PDZD2: variants seen among roughly 807,000 people sequenced by gnomAD.
PDZD2 encodes PDZ domain-containing protein 2.
In PDZD2, 90 loss-of-function variants were observed where a neutral mutation model predicts 220.7. That is an observed-to-expected ratio of 0.41 (90% CI 0.34 to 0.49). The LOEUF (loss-of-function observed/expected upper bound fraction) is 0.49, where lower values mean the gene tolerates loss of function less well. Ranked by LOEUF, PDZD2 falls within the 20% of genes least tolerant of loss-of-function variation. PDZD2 has a pLI of 0.28. For synonymous variants in PDZD2, 1,375 were observed against 1,450.5 expected (o/e 0.95, Z 1.18); for missense variants, 3,174 against 3,608.5 (o/e 0.88, Z 3.08).
chr5:32,087,701 G>C lies in PDZD2; in HGVS notation c.4253G>C (p.Gly1418Ala), dbSNP rs1358953124. ...GHVSGHCCPG[G>A]SRESPVTDID... Reference sequence around the variant, plus strand: ...GTCTCGGGGCACTGCTGCCCAGGGGGGAGTAGAGAGAGCCCTGTGACGGAC... The same window carrying C: ...GTCTCGGGGCACTGCTGCCCAGGGGCGAGTAGAGAGAGCCCTGTGACGGAC... Residue 1418 changes from glycine (G) to alanine (A), a missense_variant, in exon 20 of 25, where the codon GGG becomes GCG. Physicochemically the swap from Gly to Ala is moderately conservative, Grantham distance 60 (BLOSUM62 0). This residue lies in a region of PDZD2 where 1,861 missense variants were observed against 2,001.0 expected (regional missense o/e 0.93). Transcript: ENST00000438447. This position sits in a 1 kb window ranked among gnomAD's most constrained non-coding sequence, Gnocchi z 4.0. 6.2e-7 allele frequency: 1 copy of C among 1,614,062 alleles called. No individual in the cohort carries two copies. The highest frequency in any genetic ancestry group is 1.7e-5 in the Admixed American group (1 of 60,028).
intron 6 of PDZD2, among the ~76,000 whole-genome samples, chr5:32,027,975 C>CA (rs146377858): frequency 0.53 from 81,178 of 151,892 alleles, 22,088 homozygotes; most frequent in South Asian, 0.61. Context: ...GGACACTGAC[C>CA]GGGGAATGAG....
intron 2 of PDZD2, among the ~76,000 whole-genome samples, chr5:31,942,620 C>T (rs1746301515): frequency 6.6e-6 from 1 of 152,234 alleles, no homozygotes; most frequent in Non-Finnish European, 1.5e-5. Flanking sequence ...TAGGCGTGAG[C>T]CACTGCACCC....
chr5:31,790,537 G>A lies in PDZD2; in HGVS notation c.-360-8352G>A, dbSNP rs566545913. ...TGCAGGTGAGAAAGAGGGAGAGGAA[G>A]AGTTGCAAGGTTGCTGTAGAGATTT... On this transcript the variant is annotated intron_variant, in intron 1 of 24. Transcript: ENST00000438447. Among the ~76,000 whole-genome samples, 4 of 152,246 alleles carry A rather than the reference G, an allele frequency of 2.6e-5. No individual in the cohort carries two copies. In the South Asian group the frequency reaches 8.3e-4, roughly 32 times the overall value.
chr5:31,721,514 CTCTT>C (rs1748789511), intron 1 of PDZD2, among the ~76,000 whole-genome samples: 1 of 148,170 alleles, frequency 6.7e-6, no homozygotes, highest in Non-Finnish European at 1.5e-5. Context: ...AAATAACTGC[CTCTT>C]TTTTTTTTTT....
chr5:31,689,353 A>ATATATATTTT lies in PDZD2; in HGVS notation c.-361+49917_-361+49918insATATATTTTT. Among the ~76,000 whole-genome samples the ATATATATTTT allele has an allele frequency of 7.0e-3, 246 of 35,114 alleles. 23 individuals are homozygous for ATATATATTTT. The highest frequency in any genetic ancestry group is 0.042 in the African/African-American group (203 of 4,796). 23.0% of individuals were successfully genotyped at this position (35,114 alleles called of 152,430 possible). ...TACATATACATATATATATATATAT[A>ATATATATTTT]TTTTTTTTTTTTTTTTTTTTAAGTC... On this transcript the variant is annotated intron_variant, in intron 1 of 24. Coordinates refer to ENST00000438447, the MANE Select transcript of PDZD2 (RefSeq NM_178140.4).
intron 2 of PDZD2, chr5:31,840,437 TA>T (rs1561499301): frequency 0.033 from 2,969 of 89,876 alleles, 233 homozygotes; most frequent in African/African-American, 0.038. Flanking sequence ...TATATATATA[TA>T]TATATATATA....
chr5:31,806,936 T>TTTTC (rs1754755378), intron 2 of PDZD2, among the ~76,000 whole-genome samples: 1 of 150,942 alleles, frequency 6.6e-6, no homozygotes, highest in African/African-American at 2.4e-5. Context: ...TCTTTGTTTT[T>TTTTC]TTTTTTTTTT....
chr5:31,763,573 G>C (rs762555331), intron 1 of PDZD2, among the ~76,000 whole-genome samples: 19 of 152,134 alleles, frequency 1.2e-4, no homozygotes, highest in Non-Finnish European at 2.6e-4. Flanking sequence ...TTGAAGTTGA[G>C]AACGTGGAAC....
At chr5:31,681,928 C>A (rs1746664965) in intron 1 of PDZD2, among the ~76,000 whole-genome samples, 1 of 152,248 alleles carries the variant, frequency 6.6e-6, no homozygotes, top group East Asian at 1.9e-4. Context: ...TTTACTCCAA[C>A]TAAATATATT....
chr5:31,656,739 A>G (rs1472964274), intron 1 of PDZD2, among the ~76,000 whole-genome samples: 2 of 152,250 alleles, frequency 1.3e-5, no homozygotes, highest in East Asian at 3.8e-4. Context: ...AAGAAAGCTC[A>G]GATACAATCT....
Position 32,090,468 on chromosome 5 carries a change from G to C in PDZD2, c.7020G>C (p.Lys2340Asn). 6.2e-7 allele frequency: 1 copy of C among 1,614,088 alleles called. No homozygotes were observed. The highest frequency in any genetic ancestry group is 8.5e-7 in the Non-Finnish European group (1 of 1,180,014). ...TTTTCTCTGTGAAGCAGCGGATCAA[G>C]TCTTTTGAGAACCTGGCCAATGCTG... ...TSFFSVKQRI[K>N]SFENLANADR... The change falls in exon 20 of 25, where the codon AAG (lysine) becomes AAC (asparagine). Residue 2340 changes from lysine (K) to asparagine (N), a missense_variant. Lys to Asn is a moderately conservative substitution (Grantham distance 94). Transcript: ENST00000438447. The surrounding 1 kb of genome is among the most constrained non-coding windows in gnomAD (Gnocchi z 4.3).
At chr5:32,059,871 T>C (rs966926426) in intron 13 of PDZD2, among the ~76,000 whole-genome samples, 2 of 152,214 alleles carry the variant, frequency 1.3e-5, no homozygotes, top group African/African-American at 4.8e-5. Flanking sequence ...CTGAAGTCAC[T>C]GAGTGTCTGA....
At chr5:32,048,320 C>CATTTCAA (rs1334667500) in intron 7 of PDZD2, among the ~76,000 whole-genome samples, 6 of 152,244 alleles carry the variant, frequency 3.9e-5, no homozygotes, top group African/African-American at 1.4e-4. Context: ...CAAAAACTGG[C>CATTTCAA]AGTTTTTTCG....
chr5:32,074,563 T>G lies in PDZD2; in HGVS notation c.3457T>G (p.Cys1153Gly). 1 of 1,614,028 alleles carries G rather than the reference T, an allele frequency of 6.2e-7. No individual in the cohort carries two copies. Among genetic ancestry groups the G allele is most frequent in the South Asian group, 1.1e-5 (1 of 91,076 alleles). ...CCTGACTGGCAGAGCCAATGATCCATGCGATCTGGACTCGAGAGTCCAGGC... is the reference window on the plus strand; with the variant it reads ...CCTGACTGGCAGAGCCAATGATCCAGGCGATCTGGACTCGAGAGTCCAGGC... ...VNLTGRANDP[C>G]DLDSRVQATS... Residue 1153 changes from cysteine to glycine, a missense_variant, in exon 18 of 25, where the codon TGC becomes GGC. Coordinates refer to ENST00000438447, the MANE Select transcript of PDZD2 (RefSeq NM_178140.4).
chr5:31,743,046 T>C (rs1360761127), intron 1 of PDZD2, among the ~76,000 whole-genome samples: 3 of 152,214 alleles, frequency 2.0e-5, no homozygotes, highest in Non-Finnish European at 4.4e-5. Flanking sequence ...CTTTGGAGGA[T>C]GTTATATGAA....
Position 32,089,750 on chromosome 5 carries a change from C to G in PDZD2, c.6302C>G (p.Ser2101Ter). ...GTGGAGATTTCTGCTGAAGCAGTGT[C>G]AGAGACTGTATGTGGTAACAAGCCA... ...KIVEISAEAVSETVCGNKPAE... is the reference protein window; with the variant it reads ...KIVEISAEAV Residue 2101 changes from serine to a stop codon, truncating the protein, a stop_gained, in exon 20 of 25, where the codon TCA becomes TGA. Transcript: ENST00000438447. LOFTEE classifies it high-confidence loss of function. The G allele has an allele frequency of 6.2e-7, 1 of 1,614,182 alleles. No individual in the cohort carries two copies. Among genetic ancestry groups the G allele is most frequent in the Admixed American group, 1.7e-5 (1 of 60,032 alleles).
In PDZD2 at chr5:32,098,295, A is replaced by G. The variant is rs1743920150; in HGVS notation, c.7948-69A>G. The G allele has an allele frequency of 2.7e-6, 4 of 1,466,384 alleles. No homozygotes were observed. Among genetic ancestry groups the G allele is most frequent in the Non-Finnish European group, 3.8e-6 (4 of 1,065,696 alleles). The allele number at this position is 1,466,384 out of a possible 1,614,324, so 90.8% of individuals were successfully genotyped here. ...CTTTACTACAGATACGCAGTTAGTT[A>G]CTATCTCCCTTTTACCGGAAATCGT... On this transcript the variant is annotated intron_variant, in intron 22 of 24. Transcript: ENST00000438447. The surrounding 1 kb of genome is among the most constrained non-coding windows in gnomAD (Gnocchi z 4.1).
intron 1 of PDZD2, among the ~76,000 whole-genome samples, chr5:31,728,567 TTCGA>T (rs1056852451): frequency 6.6e-6 from 1 of 152,166 alleles, no homozygotes; most frequent in African/African-American, 2.4e-5. Flanking sequence ...AGTGACCACA[TTCGA>T]TCTGATGCTT....
chr5:31,886,050 C>G (rs1334550728), intron 2 of PDZD2, among the ~76,000 whole-genome samples: 1 of 152,086 alleles, frequency 6.6e-6, no homozygotes, highest in Non-Finnish European at 1.5e-5. Context: ...CAGGCACCCA[C>G]CACCACACCT....
Sources: allele counts gnomAD v4.1 joint callset (sites outside exome capture counted in the v4.1 genomes callset), GRCh38; gene constraint gnomAD v4.1.1; regional missense constraint gnomAD v4.1.1; non-coding constraint Gnocchi (gnomAD v3.1); transcripts MANE v1.5; gene names NCBI Gene and HGNC (gene_info 2026-07-23, HGNC 2026-07-21).